Variants in MX1 observed in about 807,000 individuals in gnomAD.
MX1 encodes the protein interferon-induced GTP-binding protein Mx1.
MX1 carries 66 observed loss-of-function variants against 66.4 expected under a neutral mutation model. The observed-to-expected ratio is 0.99, with a 90% confidence interval of 0.82 to 1.22. The LOEUF is 1.22. MX1 is among the 50% of genes most tolerant of loss of function. The pLI, the probability that MX1 is intolerant of heterozygous loss-of-function variation, is 0.00. For missense variants in MX1, 787 were observed against 834.3 expected, an observed-to-expected ratio of 0.94 and a Z score of 0.70; for synonymous variants, 311 against 318.1, an observed-to-expected ratio of 0.98 and a Z score of 0.24.
chr21:41,454,699 C>A (rs1035316427), intron 16 of MX1, among the ~76,000 whole-genome samples: 4 of 152,166 alleles, frequency 2.6e-5, no homozygotes, highest in Non-Finnish European at 4.4e-5. Context: ...AACACAGACA[C>A]AACTCAGGTA....
At chr21:41,448,202 G>A (rs1359073090) in intron 13 of MX1, among the ~76,000 whole-genome samples, 1 of 152,160 alleles carries the variant, frequency 6.6e-6, no homozygotes, top group African/African-American at 2.4e-5. Context: ...AGTGTGGATT[G>A]TTGGGAGTAC....
At chr21:41,452,416 C>G (rs568549686) in intron 15 of MX1, among the ~76,000 whole-genome samples, 1 of 152,300 alleles carries the variant, frequency 6.6e-6, no homozygotes, top group South Asian at 2.1e-4. Flanking sequence ...ATCTGTGGCT[C>G]AAGCCTCCTG....
At chr21:41,455,437 C>T (rs2090935481) in intron 16 of MX1, among the ~76,000 whole-genome samples, 1 of 152,186 alleles carries the variant, frequency 6.6e-6, no homozygotes, top group South Asian at 2.1e-4. Flanking sequence ...TGAACAGTTA[C>T]CTTGAGAGTA....
At chr21:41,448,105 A>G (rs963134063) in intron 13 of MX1, among the ~76,000 whole-genome samples, 1 of 152,228 alleles carries the variant, frequency 6.6e-6, no homozygotes, top group African/African-American at 2.4e-5. Flanking sequence ...TTATGGGAAA[A>G]TATTTCCTGA....
At position 41,440,881 on chromosome 21, in the gene MX1, T is replaced by C. The variant is rs771740640; in HGVS notation, c.592-6T>C. ...TCACGAGTCACCTCCTCTCATTTCC[T>C]TACAGATCAAGACACTCATCAAGAA... is the stretch of plus-strand genomic sequence containing the variant. On this transcript the variant is annotated splice_polypyrimidine_tract_variant and splice_region_variant and intron_variant, in intron 8 of 16. Transcript: ENST00000398598. 1.2e-6 allele frequency: 2 copies of C among 1,614,116 alleles called. No individual in the cohort carries two copies. Among genetic ancestry groups the C allele is most frequent in the Non-Finnish European group, 1.7e-6 (2 of 1,179,970 alleles).
chr21:41,445,974 TATACTG>T lies in MX1; in HGVS notation c.1132-23_1132-18del. 1 of 1,612,536 alleles carries T rather than the reference TATACTG, an allele frequency of 6.2e-7. No individual in the cohort carries two copies. Among genetic ancestry groups the T allele is most frequent in the Non-Finnish European group, 8.5e-7 (1 of 1,178,718 alleles). ...CACTTGGATTTGAAGTCTATCCACT[TATACTG>T]ATGTTTTTCTTCTTGACAGAAAGTT... On this transcript the variant is annotated intron_variant, in intron 12 of 16. Transcript: ENST00000398598.
intron 8 of MX1, among the ~76,000 whole-genome samples, 182 bp downstream of exon 8, chr21:41,440,030 A>G (rs976614166): frequency 1.6e-4 from 24 of 152,190 alleles, no homozygotes; most frequent in African/African-American, 5.8e-4. Flanking sequence ...TGTTCTGTCA[A>G]GTTGAATGGA....
intron 8 of MX1, 27 bp downstream of exon 8, chr21:41,439,875 T>A (rs931968033): frequency 5.7e-6 from 8 of 1,400,874 alleles, no homozygotes; most frequent in Non-Finnish European, 7.7e-6. Flanking sequence ...ATTCTGACCT[T>A]GGCCGTGGCG....
Position 41,452,844 on chromosome 21 carries a change from T to C in MX1, c.1733T>C (p.Phe578Ser), listed in dbSNP as rs755400827. The C allele has an allele frequency of 1.2e-6, 2 of 1,614,190 alleles. No individual in the cohort carries two copies. Among genetic ancestry groups the C allele is most frequent in the Non-Finnish European group, 8.5e-7 (1 of 1,180,030 alleles). Residue 578 changes from phenylalanine to serine, a missense_variant, in exon 16 of 17, where the codon TTT (phenylalanine) becomes TCT (serine). Coordinates refer to ENST00000398598, the MANE Select transcript of MX1 (RefSeq NM_002462.5). ...SATDSSMEEI[F>S]QHLMAYHQEA... ...ACAGACTCTTCCATGGAGGAGATCT[T>C]TCAGCACCTGATGGCCTATCACCAG...
intron 16 of MX1, 148 bp downstream of exon 16, chr21:41,453,017 A>T: frequency 3.2e-6 from 3 of 939,198 alleles, no homozygotes; most frequent in Non-Finnish European, 4.8e-6. Context: ...GTCCATTTTC[A>T]TGCTGCTGAT....
chr21:41,420,724 C>T (rs76428198), exon 1 of MX1: 7,124 of 152,404 alleles, frequency 0.047, 250 homozygotes, highest in Non-Finnish European at 0.074. Flanking sequence ...ACGCTGTGCC[C>T]GGATCCCAAG....
intron 3 of MX1, chr21:41,428,188 G>A (rs1173884108): frequency 6.6e-6 from 1 of 152,206 alleles, no homozygotes; most frequent in Non-Finnish European, 1.5e-5. Context: ...TTACAGGCAC[G>A]AGCCACTGCA....
At chr21:41,420,569 G>T (rs184942656) in exon 1 of MX1, 2 of 152,226 alleles carry the variant, frequency 1.3e-5, no homozygotes, top group African/African-American at 4.8e-5. Flanking sequence ...GAGCAGAAAT[G>T]AAACCGAAAC....
intron 11 of MX1, 66 bp downstream of exon 11, chr21:41,443,932 G>A (rs2090588106): frequency 6.8e-7 from 1 of 1,468,548 alleles, no homozygotes; most frequent in Admixed American, 1.7e-5. Flanking sequence ...GAACCTTGCT[G>A]GCTTCTTAAA....
Position 41,445,552 on chromosome 21 carries a change from A to T in MX1, c.1113A>T (p.Lys371Asn). 1 of 1,614,166 alleles carries T rather than the reference A, an allele frequency of 6.2e-7. No homozygotes were observed. The highest frequency in any genetic ancestry group is 8.5e-7 in the Non-Finnish European group (1 of 1,180,024). Residue 371 changes from lysine (K) to asparagine (N), a missense_variant, in exon 12 of 17, where the codon AAA (lysine) becomes AAT (asparagine). Lys to Asn is a moderately conservative substitution (Grantham distance 94, BLOSUM62 0). Transcript: ENST00000398598. The stretch of plus-strand genomic sequence containing the variant: ...ACATACCGGAAGACGAAAATGAAAA[A>T]ATGTTCTTCCTGATAGATGTGAGTG... ...GVDIPEDENE[K>N]MFFLIDKVNA... is the part of the protein sequence containing the mutation.
At chr21:41,432,301 C>T (rs973445174) in intron 5 of MX1, 126 bp downstream of exon 5, 26 of 826,684 alleles carry the variant, frequency 3.1e-5, no homozygotes, top group Admixed American at 2.3e-4. Flanking sequence ...TGTGCCAGGA[C>T]GCAGATCCTG....
At chr21:41,456,868 T>G (rs1265283768) in intron 16 of MX1, among the ~76,000 whole-genome samples, 1 of 152,088 alleles carries the variant, frequency 6.6e-6, no homozygotes, top group African/African-American at 2.4e-5. Flanking sequence ...ATCAAGCGAT[T>G]CTCCTGCCTC....
intron 13 of MX1, among the ~76,000 whole-genome samples, chr21:41,448,426 T>C (rs1161905346): frequency 6.6e-6 from 1 of 152,204 alleles, no homozygotes; most frequent in Non-Finnish European, 1.5e-5. Flanking sequence ...GGGCATGCAG[T>C]TGAGGGCAAG....
At chr21:41,424,642 C>T (rs965469976), upstream of MX1, among the ~76,000 whole-genome samples, 2 of 152,198 alleles carry the variant, frequency 1.3e-5, no homozygotes, top group African/African-American at 2.4e-5. Flanking sequence ...CTCCCACTCA[C>T]AGCCAGTTAG....
Sources: gnomAD v4.1 joint callset for allele counts (sites outside exome capture counted in the v4.1 genomes callset) on GRCh38, gnomAD v4.1.1 for gene constraint, MANE v1.5 for transcripts, NCBI Gene and HGNC (gene_info 2026-07-23, HGNC 2026-07-21) for gene names.